Variants in TRMT9B observed in about 807,000 individuals in gnomAD.
TRMT9B encodes the protein tRNA methyltransferase 9B (putative), also known as probable tRNA methyltransferase 9B.
A neutral mutation model predicts 11.5 loss-of-function variants in TRMT9B; 16 were observed. The observed-to-expected ratio is 1.39, with a 90% confidence interval of 0.94 to 2.11. TRMT9B has a LOEUF of 2.11. Ranked by LOEUF, TRMT9B falls within the 30% of genes most tolerant of loss-of-function variation. The pLI is 0.00. For synonymous variants in TRMT9B, 274 were observed against 192.4 expected (o/e 1.42, Z -3.51); for missense variants, 941 against 553.8 (o/e 1.70, Z -7.02).
chr8:12,987,091 C>T (rs906159957), intron 1 of TRMT9B, among the ~76,000 whole-genome samples: 3 of 152,194 alleles, frequency 2.0e-5, no homozygotes, highest in Non-Finnish European at 2.9e-5. Context: ...GCTTCCTTGC[C>T]TCCCTTTCTC....
chr8:12,963,555 G>A (rs563198255), intron 1 of TRMT9B, among the ~76,000 whole-genome samples: 1 of 152,260 alleles, frequency 6.6e-6, no homozygotes, highest in East Asian at 1.9e-4. Context: ...TTCAAGGCCA[G>A]CCTGGGCAAC....
intron 2 of TRMT9B, among the ~76,000 whole-genome samples, chr8:13,002,167 T>A (rs745550100): frequency 1.3e-5 from 2 of 152,204 alleles, no homozygotes; most frequent in Admixed American, 6.5e-5. Flanking sequence ...TAGGGGAAGA[T>A]CTTGGGGGTG....
At chr8:13,019,810 GA>G (rs1813472145) in intron 4 of TRMT9B, among the ~76,000 whole-genome samples, 1 of 152,206 alleles carries the variant, frequency 6.6e-6, no homozygotes, top group Admixed American at 6.5e-5. Flanking sequence ...ATTGTTTAAA[GA>G]TCACAAAACT....
intron 1 of TRMT9B, among the ~76,000 whole-genome samples, chr8:12,964,887 G>T (rs924891413): frequency 1.3e-5 from 2 of 152,018 alleles, no homozygotes; most frequent in Non-Finnish European, 2.9e-5. Flanking sequence ...CCATGTGCTT[G>T]GTTCAGAGAT....
At chr8:12,951,876 C>A (rs1419013795) in intron 1 of TRMT9B, 2 of 152,304 alleles carry the variant, frequency 1.3e-5, no homozygotes, top group Non-Finnish European at 2.9e-5. Flanking sequence ...TAGCGAAGCA[C>A]CCCCGACCGG....
At chr8:12,967,448 GACA>G (rs1802973582) in intron 1 of TRMT9B, among the ~76,000 whole-genome samples, 1 of 152,186 alleles carries the variant, frequency 6.6e-6, no homozygotes, top group Admixed American at 6.5e-5. Context: ...CAGGGATGGT[GACA>G]ACGATGATTT....
intron 3 of TRMT9B, chr8:13,010,830 C>T: frequency 1.0e-6 from 1 of 982,178 alleles, no homozygotes; most frequent in Non-Finnish European, 1.2e-6. Flanking sequence ...TTTTAAAATA[C>T]TTTGTGAATT....
At chr8:12,956,873 A>G (rs1291791293) in intron 1 of TRMT9B, among the ~76,000 whole-genome samples, 1 of 152,114 alleles carries the variant, frequency 6.6e-6, no homozygotes, top group Admixed American at 6.5e-5. Flanking sequence ...AGTAGATATG[A>G]TTGGATCTCT....
In TRMT9B at chr8:13,024,320, GGCGTGAGCCAC is replaced by G. The variant is rs1441860794; in HGVS notation, c.*2277_*2287del. On this transcript the variant is annotated 3_prime_UTR_variant, in exon 5 of 5. Transcript: ENST00000524591. ...GGCCCCCCACAGTGCTGGGATTACA[GGCGTGAGCCAC>G]CGCGCCCGGCCTGTTCCTTTTATTT... is the stretch of plus-strand genomic sequence containing the variant. The G allele has an allele frequency of 1.2e-5, 2 of 166,452 alleles. No individual in the cohort carries two copies. Among genetic ancestry groups the G allele is most frequent in the Non-Finnish European group, 2.9e-5 (2 of 68,322 alleles). 10.3% of individuals were successfully genotyped at this position (166,452 alleles called of 1,614,324 possible). A position where few individuals can be genotyped will look rare whatever the true frequency, so the allele number is the denominator to read the frequency against.
intron 1 of TRMT9B, among the ~76,000 whole-genome samples, chr8:12,967,349 A>G (rs1802956023): frequency 6.6e-6 from 1 of 152,240 alleles, no homozygotes; most frequent in Non-Finnish European, 1.5e-5. Context: ...CTTTGGGACT[A>G]TAGGTCTAGA....
Position 13,029,229 on chromosome 8 carries a change from T to C in TRMT9B, c.*7185T>C, listed in dbSNP as rs1815081564. 1 of 167,036 alleles carries C rather than the reference T, an allele frequency of 6.0e-6. No individual in the cohort carries two copies. The highest frequency in any genetic ancestry group is 2.4e-5 in the African/African-American group (1 of 41,452). 10.3% of individuals were successfully genotyped at this position (167,036 alleles called of 1,614,324 possible). On this transcript the variant is annotated 3_prime_UTR_variant, in exon 5 of 5. Transcript: ENST00000524591. ...GTTTCAGGGAAATTTAGAACAATTATTAGATGTTATAGTGCCTCTTCTCGT... is the reference window on the plus strand; with the variant it reads ...GTTTCAGGGAAATTTAGAACAATTACTAGATGTTATAGTGCCTCTTCTCGT...
At chr8:12,995,358 T>C (rs1043683409) in intron 2 of TRMT9B, among the ~76,000 whole-genome samples, 1 of 152,216 alleles carries the variant, frequency 6.6e-6, no homozygotes, top group African/African-American at 2.4e-5. Flanking sequence ...TGAGTGCTAA[T>C]TGGAGTAGAT....
chr8:13,012,589 A>C (rs1811841571), intron 3 of TRMT9B, 95 bp from the exon 4 acceptor site: 12 of 1,425,744 alleles, frequency 8.4e-6, no homozygotes, highest in Non-Finnish European at 1.1e-5. Context: ...TAAATAAATA[A>C]ATAAAAGGTT....
intron 1 of TRMT9B, among the ~76,000 whole-genome samples, chr8:12,974,377 G>A (rs1231472081): frequency 6.6e-6 from 1 of 152,156 alleles, no homozygotes; most frequent in South Asian, 2.1e-4. Flanking sequence ...GAAACGTGGA[G>A]CCTGGATTTT....
intron 1 of TRMT9B, among the ~76,000 whole-genome samples, chr8:12,989,307 T>A (rs1362072165): frequency 1.3e-5 from 2 of 152,236 alleles, no homozygotes; most frequent in African/African-American, 4.8e-5. Context: ...CAACTCCTTT[T>A]AGATATATAC....
At position 13,027,286 on chromosome 8, in the gene TRMT9B, T is replaced by A. The variant is rs1814802611; in HGVS notation, c.*5242T>A. Reference sequence around the variant, plus strand: ...AAGCTGAAACATTCTTCGTATTCCCTGTGTGCCTATTACCAAGTTATATTG... The same window carrying A: ...AAGCTGAAACATTCTTCGTATTCCCAGTGTGCCTATTACCAAGTTATATTG... On this transcript the variant is annotated 3_prime_UTR_variant, in exon 5 of 5. Transcript: ENST00000524591. 6.0e-6 allele frequency: 1 copy of A among 167,034 alleles called. No homozygotes were observed. Among genetic ancestry groups the A allele is most frequent in the Non-Finnish European group, 1.5e-5 (1 of 68,126 alleles). 10.3% of individuals were successfully genotyped at this position (167,034 alleles called of 1,614,324 possible). A position where few individuals can be genotyped will look rare whatever the true frequency, so the allele number is the denominator to read the frequency against.
chr8:12,977,459 T>G (rs1804632639), intron 1 of TRMT9B, among the ~76,000 whole-genome samples: 1 of 152,120 alleles, frequency 6.6e-6, no homozygotes, highest in Non-Finnish European at 1.5e-5. Context: ...TCCCAGCACT[T>G]TGGGAGGCTG....
intron 1 of TRMT9B, among the ~76,000 whole-genome samples, chr8:12,982,640 C>A (rs1367405976): frequency 1.3e-5 from 2 of 150,432 alleles, no homozygotes; most frequent in South Asian, 4.2e-4. Context: ...CCAGCCTGGG[C>A]AACAGAGAGA....
At chr8:12,970,549 A>G (rs958348128) in intron 1 of TRMT9B, among the ~76,000 whole-genome samples, 2 of 152,244 alleles carry the variant, frequency 1.3e-5, no homozygotes, top group Admixed American at 1.3e-4. Context: ...ACAGATTTAC[A>G]TCAGTGAAAG....
Sources: gnomAD v4.1 joint callset for allele counts (sites outside exome capture counted in the v4.1 genomes callset) on GRCh38, gnomAD v4.1.1 for gene constraint, MANE v1.5 for transcripts, NCBI Gene and HGNC (gene_info 2026-07-23, HGNC 2026-07-21) for gene names.